The following ADGRV1 variants were observed in gnomAD, a reference collection of about 807,000 sequenced individuals.
The protein encoded by ADGRV1 is G-protein coupled receptor 98.
Under a neutral mutation model 596.2 loss-of-function variants are expected in ADGRV1, and 359 were observed. That is an observed-to-expected ratio of 0.60 (90% CI 0.55 to 0.66). ADGRV1 has a LOEUF of 0.66. Among genes scored for constraint, ADGRV1 ranks in the 30% least tolerant of loss-of-function variants. The pLI, the probability that ADGRV1 is intolerant of heterozygous loss-of-function variation, is 0.00. For synonymous variants in ADGRV1, 2,681 were observed against 2,679.2 expected (o/e 1.00, Z -0.02); for missense variants, 7,274 against 7,575.6 (o/e 0.96, Z 1.48).
At chr5:90,573,032 G>A (rs1756749730) in intron 1 of ADGRV1, among the ~76,000 whole-genome samples, 1 of 152,154 alleles carries the variant, frequency 6.6e-6, no homozygotes, top group Non-Finnish European at 1.5e-5. Context: ...GTTTCCCTTA[G>A]ATCTCTCCGT....
chr5:90,729,324 T>C (rs1752219577), intron 49 of ADGRV1, among the ~76,000 whole-genome samples: 1 of 152,210 alleles, frequency 6.6e-6, no homozygotes, highest in Admixed American at 6.5e-5. Flanking sequence ...AGAATATTCT[T>C]GGAAGGAAAA....
Position 90,674,122 on chromosome 5 carries a change from T to C in ADGRV1, c.4998T>C (p.Val1666=), listed in dbSNP as rs1467479167. Residue 1666 remains valine (V), a synonymous_variant, in exon 23 of 90, where the codon GTT becomes GTC. Coordinates refer to ENST00000405460, the MANE Select transcript of ADGRV1 (RefSeq NM_032119.4). ...ATGAGTATTTCCGTGTGACATTGGT[T>C]TCTGCAATTCCTGGAGATGGGAAGC... is the stretch of plus-strand genomic sequence containing the variant. ...ELNEYFRVTL[V]SAIPGDGKLG... is the part of the protein sequence containing the mutation. The C allele has an allele frequency of 6.2e-7, 1 of 1,613,586 alleles. No individual in the cohort carries two copies. Among genetic ancestry groups the C allele is most frequent in the Admixed American group, 1.7e-5 (1 of 59,962 alleles).
intron 87 of ADGRV1, among the ~76,000 whole-genome samples, chr5:91,120,204 G>A (rs142604885): frequency 8.6e-4 from 131 of 152,312 alleles, no homozygotes; most frequent in African/African-American, 2.6e-3. Context: ...GGGATGAAGG[G>A]AGATAAAGGG....
At chr5:90,660,354 ATG>A (rs1770084597) in intron 21 of ADGRV1, among the ~76,000 whole-genome samples, 1 of 152,214 alleles carries the variant, frequency 6.6e-6, no homozygotes, top group African/African-American at 2.4e-5. Flanking sequence ...AATAGTTTTG[ATG>A]TGTACAGGGG....
Position 90,781,498 on chromosome 5 carries a change from C to G in ADGRV1, c.13151C>G (p.Ser4384Cys), listed in dbSNP as rs758780790. The change falls in exon 65 of 90, where the codon TCC (serine) becomes TGC (cysteine). Residue 4384 changes from serine to cysteine, a missense_variant. By Grantham distance (112) the Ser-to-Cys change is moderately radical. Around this residue, in one of 5 missense-constraint regions of ADGRV1, gnomAD observed 3,643 missense variants for 3,809.2 expected, o/e 0.96. Transcript: ENST00000405460. ...CAACCTCCTGAAATAGGAAACATCT[C>G]CATTGTTCGCATCATAATAATGAAA... ...IDQPPEIGNI[S>C]IVRIIIMKND... The G allele has an allele frequency of 6.2e-7, 1 of 1,610,656 alleles. No individual in the cohort carries two copies. Among genetic ancestry groups the G allele is most frequent in the South Asian group, 1.1e-5 (1 of 90,624 alleles).
intron 87 of ADGRV1, among the ~76,000 whole-genome samples, chr5:91,120,774 T>C (rs1026153302): frequency 2.0e-5 from 3 of 152,168 alleles, no homozygotes; most frequent in African/African-American, 7.2e-5. Context: ...AGGCAAAAAG[T>C]CACTCATTCT....
intron 87 of ADGRV1, among the ~76,000 whole-genome samples, chr5:91,122,304 G>A (rs1332836438): frequency 2.6e-5 from 4 of 152,170 alleles, no homozygotes; most frequent in African/African-American, 4.8e-5. Flanking sequence ...GAATATAGCT[G>A]TGGAAATATA....
At chr5:91,085,937 T>C (rs559613356) in intron 86 of ADGRV1, among the ~76,000 whole-genome samples, 1 of 152,308 alleles carries the variant, frequency 6.6e-6, no homozygotes, top group African/African-American at 2.4e-5. Flanking sequence ...TCAGAGTACC[T>C]TGCTTATTCT....
At chr5:90,659,341 G>GT (rs775407427) in intron 21 of ADGRV1, among the ~76,000 whole-genome samples, 1 of 152,134 alleles carries the variant, frequency 6.6e-6, no homozygotes, top group Non-Finnish European at 1.5e-5. Flanking sequence ...CATAATATAG[G>GT]TGCGTTATTA....
intron 86 of ADGRV1, among the ~76,000 whole-genome samples, chr5:91,076,714 A>G (rs904991682): frequency 2.0e-5 from 3 of 152,150 alleles, no homozygotes; most frequent in Non-Finnish European, 4.4e-5. Flanking sequence ...CTTTACCTCT[A>G]TAATTCCCAA....
At chr5:91,045,402 GT>G (rs1198584078) in intron 85 of ADGRV1, among the ~76,000 whole-genome samples, 7 of 152,150 alleles carry the variant, frequency 4.6e-5, no homozygotes, top group Admixed American at 1.3e-4. Flanking sequence ...GTCAATAAAT[GT>G]GGTATGCCAC....
At chr5:90,915,831 C>G (rs10078568) in intron 83 of ADGRV1, among the ~76,000 whole-genome samples, 52,343 of 152,070 alleles carry the variant, frequency 0.34, 9,307 homozygotes, top group East Asian at 0.41. Context: ...ACATATTTAA[C>G]AGTTTAGCAT....
chr5:90,804,697 C>T (rs1179019821), intron 71 of ADGRV1, among the ~76,000 whole-genome samples: 1 of 152,072 alleles, frequency 6.6e-6, no homozygotes, highest in East Asian at 1.9e-4. Flanking sequence ...TTACTCATTG[C>T]TCAGAACTTA....
intron 70 of ADGRV1, among the ~76,000 whole-genome samples, chr5:90,796,974 A>G (rs1218912553): frequency 1.3e-5 from 2 of 152,194 alleles, no homozygotes; most frequent in African/African-American, 2.4e-5. Context: ...TGAAGGAAGC[A>G]CTAAACATGG....
At chr5:90,620,093 T>C (rs1763864389) in intron 4 of ADGRV1, among the ~76,000 whole-genome samples, 1 of 151,966 alleles carries the variant, frequency 6.6e-6, no homozygotes. Context: ...CAGCATGATT[T>C]ATAATCCTTT....
intron 78 of ADGRV1, among the ~76,000 whole-genome samples, chr5:90,847,615 G>A (rs71637315): frequency 2.0e-5 from 3 of 152,146 alleles, no homozygotes; most frequent in Admixed American, 2.0e-4. Context: ...CCACGGTGGT[G>A]GGGGGAGGCT....
chr5:90,930,828 G>C (rs1318101342), intron 83 of ADGRV1, among the ~76,000 whole-genome samples: 1 of 152,104 alleles, frequency 6.6e-6, no homozygotes, highest in Non-Finnish European at 1.5e-5. Context: ...CACAATATGA[G>C]AGCCTGCATA....
At position 90,594,198 on chromosome 5, in the gene ADGRV1, C is replaced by A. The variant is rs1482712061; in HGVS notation, c.23-20637C>A. Among the ~76,000 whole-genome samples the A allele has an allele frequency of 4.6e-5, 7 of 152,184 alleles. No homozygotes were observed. The East Asian group carries it at 1.2e-3, about 25-fold the overall frequency. On this transcript the variant is annotated intron_variant, in intron 1 of 89. Coordinates refer to ENST00000405460, the MANE Select transcript of ADGRV1 (RefSeq NM_032119.4). ...TGTCCCCATCCAAATCTCATCTTGA[C>A]CTGTAGATCTCGTAATCCCCACATG...
chr5:90,890,840 G>C (rs956111206), intron 83 of ADGRV1, among the ~76,000 whole-genome samples: 5 of 152,028 alleles, frequency 3.3e-5, no homozygotes, highest in Non-Finnish European at 7.4e-5. Flanking sequence ...TCAACACTTC[G>C]TGTCATCAGA....
Sources: gnomAD v4.1 joint callset for allele counts (sites outside exome capture counted in the v4.1 genomes callset) on GRCh38, gnomAD v4.1.1 for gene constraint, gnomAD v4.1.1 regional missense constraint, MANE v1.5 for transcripts, NCBI Gene and HGNC (gene_info 2026-07-23, HGNC 2026-07-21) for gene names.